Variants in PDE3B observed in about 807,000 individuals in gnomAD.
PDE3B encodes the protein phosphodiesterase 3B, also known as cGMP-inhibited 3',5'-cyclic phosphodiesterase 3B.
In PDE3B, 66 loss-of-function variants were observed where a neutral mutation model predicts 116.8. That is an observed-to-expected ratio of 0.56 (90% CI 0.46 to 0.69). The LOEUF (loss-of-function observed/expected upper bound fraction) is 0.69. Ranked by LOEUF, PDE3B falls within the 30% of genes least tolerant of loss-of-function variation. The pLI is 0.00. For synonymous variants in PDE3B, 595 were observed against 533.6 expected, an observed-to-expected ratio of 1.12 and a Z score of -1.59; for missense variants, 1,384 against 1,368.1, an observed-to-expected ratio of 1.01 and a Z score of -0.18.
At chr11:14,651,373 T>C (rs1363320301) in intron 1 of PDE3B, among the ~76,000 whole-genome samples, 1 of 152,206 alleles carries the variant, frequency 6.6e-6, no homozygotes, top group East Asian at 1.9e-4. Flanking sequence ...TATTTCCTAA[T>C]AAGATTACAT....
At chr11:14,660,190 T>G (rs1362033179) in intron 1 of PDE3B, among the ~76,000 whole-genome samples, 1 of 152,152 alleles carries the variant, frequency 6.6e-6, no homozygotes, top group Non-Finnish European at 1.5e-5. Context: ...GCCCTGTTTA[T>G]AAGGGAGGGG....
chr11:14,882,288 C>G, the PDE3B span, among the ~76,000 whole-genome samples: 4 of 151,936 alleles, frequency 2.6e-5, no homozygotes, highest in Non-Finnish European at 5.9e-5. Flanking sequence ...TTATACAGCA[C>G]GTAAAAAGAT....
intron 11 of PDE3B, among the ~76,000 whole-genome samples, chr11:14,838,014 T>C (rs761649806): frequency 5.4e-4 from 82 of 152,156 alleles, no homozygotes; most frequent in South Asian, 1.0e-3. Flanking sequence ...AGTCTCACTT[T>C]GTCGCCCAGG....
the PDE3B span, chr11:14,891,688 C>A: frequency 1.7e-6 from 2 of 1,192,558 alleles, no homozygotes; most frequent in Non-Finnish European, 2.1e-6. Context: ...CCAAACGGCG[C>A]AGGCGCAGGA....
Position 14,870,014 on chromosome 11 carries a change from C to T in PDE3B, c.*354C>T, listed in dbSNP as rs1369205422. ...CAGCTATAACTAAAAACTCAAGTGA[C>T]ATATTTCAGTTACCAAAGTGGCCAG... On this transcript the variant is annotated 3_prime_UTR_variant, in exon 16 of 16. Coordinates refer to ENST00000282096, the MANE Select transcript of PDE3B (RefSeq NM_000922.4). This position sits in a 1 kb window ranked among gnomAD's most constrained non-coding sequence, Gnocchi z 4.1. The T allele has an allele frequency of 6.0e-6, 1 of 165,494 alleles. No homozygotes were observed. Among genetic ancestry groups the T allele is most frequent in the Admixed American group, 6.4e-5 (1 of 15,746 alleles). The allele number at this position is 165,494 out of a possible 1,614,324, so 10.3% of individuals were successfully genotyped here.
At chr11:14,707,744 T>C (rs947463417) in intron 1 of PDE3B, among the ~76,000 whole-genome samples, 7 of 152,030 alleles carry the variant, frequency 4.6e-5, no homozygotes, top group Non-Finnish European at 1.0e-4. Context: ...GATATTTTAC[T>C]GAGAGTGTGG....
intron 1 of PDE3B, among the ~76,000 whole-genome samples, chr11:14,751,023 A>C (rs566909117): frequency 1.3e-5 from 2 of 152,158 alleles, no homozygotes; most frequent in African/African-American, 4.8e-5. Context: ...CATGTTGTCT[A>C]TATCACAGAT....
intron 14 of PDE3B, among the ~76,000 whole-genome samples, chr11:14,864,266 A>G (rs1291360886): frequency 2.0e-5 from 3 of 152,190 alleles, no homozygotes; most frequent in Admixed American, 6.5e-5. Context: ...TATCCTAAAT[A>G]TATATGCACC....
chr11:14,887,209 T>TA, the PDE3B span: 1 of 152,320 alleles, frequency 6.6e-6, no homozygotes, highest in Non-Finnish European at 1.5e-5. Context: ...GCCATGAACT[T>TA]AAAGTTGTGT....
the PDE3B span, among the ~76,000 whole-genome samples, chr11:14,894,114 G>A: frequency 1.3e-5 from 2 of 152,150 alleles, no homozygotes; most frequent in Non-Finnish European, 2.9e-5. Flanking sequence ...AGGGGCTGAA[G>A]TTACCCCCAC....
intron 14 of PDE3B, among the ~76,000 whole-genome samples, chr11:14,862,807 T>G (rs193179545): frequency 0.014 from 2,142 of 152,222 alleles, 28 homozygotes; most frequent in Non-Finnish European, 0.021. Flanking sequence ...CTCCTGACCT[T>G]GTGATCCGCC....
chr11:14,688,417 G>A (rs536500939), intron 1 of PDE3B, among the ~76,000 whole-genome samples: 27 of 152,174 alleles, frequency 1.8e-4, no homozygotes, highest in African/African-American at 6.5e-4. Context: ...TGACACTTAT[G>A]TCAGCACTTT....
At chr11:14,695,938 A>T (rs1315310379) in intron 1 of PDE3B, among the ~76,000 whole-genome samples, 1 of 152,010 alleles carries the variant, frequency 6.6e-6, no homozygotes, top group Admixed American at 6.6e-5. Flanking sequence ...GGTTGATTCC[A>T]TGTCTTTGCT....
chr11:14,656,078 A>G (rs1853709408), intron 1 of PDE3B, among the ~76,000 whole-genome samples: 2 of 152,202 alleles, frequency 1.3e-5, no homozygotes, highest in South Asian at 2.1e-4. Flanking sequence ...AATCATTTAT[A>G]TGAGAGACTG....
chr11:14,824,408 A>AG (rs1859622250), intron 7 of PDE3B, among the ~76,000 whole-genome samples: 1 of 152,212 alleles, frequency 6.6e-6, no homozygotes, highest in Non-Finnish European at 1.5e-5. Context: ...AAAATGATAC[A>AG]GGAGCTGACA....
chr11:14,690,550 CTTTT>C (rs559758600), intron 1 of PDE3B, among the ~76,000 whole-genome samples: 138 of 148,186 alleles, frequency 9.3e-4, no homozygotes, highest in African/African-American at 3.3e-3. Context: ...GATGCTGTGA[CTTTT>C]TTTTCTCATT....
intron 4 of PDE3B, among the ~76,000 whole-genome samples, chr11:14,803,028 T>TTACTACAGTACACAACACAGTACA (rs1858819688): frequency 6.6e-6 from 1 of 152,204 alleles, no homozygotes; most frequent in African/African-American, 2.4e-5. Context: ...TAATCTATAA[T>TTACTACAGTACACAACACAGTACA]GAAGATCAAC....
At chr11:14,713,606 A>G (rs1855771865) in intron 1 of PDE3B, among the ~76,000 whole-genome samples, 1 of 152,014 alleles carries the variant, frequency 6.6e-6, no homozygotes, top group African/African-American at 2.4e-5. Context: ...AAACTAAACC[A>G]TTGGTTCTCC....
chr11:14,825,244 C>G (rs1859651126), intron 7 of PDE3B, among the ~76,000 whole-genome samples: 1 of 152,122 alleles, frequency 6.6e-6, no homozygotes, highest in Non-Finnish European at 1.5e-5. Flanking sequence ...GGCTTAATAA[C>G]CAGGTAACAG....
Sources: gnomAD v4.1 joint callset for allele counts (sites outside exome capture counted in the v4.1 genomes callset) on GRCh38, gnomAD v4.1.1 for gene constraint, Gnocchi (gnomAD v3.1) non-coding constraint, MANE v1.5 for transcripts, NCBI Gene and HGNC (gene_info 2026-07-23, HGNC 2026-07-21) for gene names.